LCORL: variants seen among roughly 807,000 people sequenced by gnomAD.
The protein encoded by LCORL is ligand-dependent nuclear receptor corepressor-like protein.
LCORL carries 41 observed loss-of-function variants against 141.8 expected under a neutral mutation model. The ratio of observed to expected loss-of-function variants is 0.29; its 90% CI spans 0.23 to 0.38. The LOEUF is 0.38. Ranked by LOEUF, LCORL falls within the 10% of genes least tolerant of loss-of-function variation. The probability of loss-of-function intolerance (pLI) is 1.00; values close to 1 mark genes in which losing one functional copy is unlikely to be tolerated. For missense variants in LCORL, 1,759 were observed against 2,035.0 expected, an observed-to-expected ratio of 0.86 and a Z score of 2.61; for synonymous variants, 618 against 694.1, an observed-to-expected ratio of 0.89 and a Z score of 1.72.
chr4:17,997,904 T>C (rs1246248324), intron 1 of LCORL, among the ~76,000 whole-genome samples: 1 of 152,144 alleles, frequency 6.6e-6, no homozygotes, highest in Non-Finnish European at 1.5e-5. Context: ...GAAGAAATAA[T>C]ATTCAAGTAT....
chr4:17,987,558 A>G (rs192681929), intron 1 of LCORL, among the ~76,000 whole-genome samples: 1 of 152,322 alleles, frequency 6.6e-6, no homozygotes, highest in Admixed American at 6.5e-5. Flanking sequence ...AGGTAAGACT[A>G]TAGGAATATA....
chr4:17,941,595 C>G, intron 4 of LCORL, among the ~76,000 whole-genome samples: 1 of 152,154 alleles, frequency 6.6e-6, no homozygotes. Flanking sequence ...TATATTCCAC[C>G]ATGCAAGACA....
intron 4 of LCORL, among the ~76,000 whole-genome samples, chr4:17,942,457 C>T (rs370703943): frequency 1.3e-5 from 2 of 152,190 alleles, no homozygotes; most frequent in South Asian, 2.1e-4. Context: ...CCAAATGTTG[C>T]TTTTTAATCA....
intron 1 of LCORL, among the ~76,000 whole-genome samples, chr4:18,020,072 G>C (rs1310325109): frequency 1.3e-5 from 2 of 152,096 alleles, no homozygotes; most frequent in African/African-American, 4.8e-5. Flanking sequence ...CAAAACAAAA[G>C]CAGTAAATTA....
rs1560497953 is a variant in LCORL at position 18,021,722 on chromosome 4, A to AGCAGCGGCG, written c.29_30insCGCCGCTGC (p.Ala20_Ala22dup). The AGCAGCGGCG allele has an allele frequency of 3.9e-6, 6 of 1,520,990 alleles. No homozygotes were observed. In the East Asian group the frequency reaches 1.0e-4, roughly 25 times the overall value. 94.2% of individuals were successfully genotyped at this position (1,520,990 alleles called of 1,614,324 possible). A position where few individuals can be genotyped will look rare whatever the true frequency, so the allele number is the denominator to read the frequency against. On this transcript the variant is annotated inframe_insertion, in exon 1 of 8. Transcript: ENST00000635767. The surrounding 1 kb of genome is among the most constrained non-coding windows in gnomAD (Gnocchi z 5.5). ...CGGCGGCGGCAGCAGCGGCGGCGGCAGCGGCCATTCTCTCTCTTCCCTTGT... is the reference window on the plus strand; with the variant it reads ...CGGCGGCGGCAGCAGCGGCGGCGGCAGCAGCGGCGGCGGCCATTCTCTCTCTTCCCTTGT...
chr4:17,890,312 G>A (rs1728892949), intron 5 of LCORL, among the ~76,000 whole-genome samples: 1 of 152,024 alleles, frequency 6.6e-6, no homozygotes, highest in Admixed American at 6.6e-5. Context: ...AAAAGACAGT[G>A]TATTTATTAT....
At chr4:17,943,125 C>A (rs929120341) in intron 4 of LCORL, among the ~76,000 whole-genome samples, 5 of 152,158 alleles carry the variant, frequency 3.3e-5, no homozygotes, top group African/African-American at 4.8e-5. Context: ...TCCGGCGGCT[C>A]ATTTTGTCTT....
chr4:17,974,418 T>C (rs192851289), intron 1 of LCORL, among the ~76,000 whole-genome samples: 265 of 152,294 alleles, frequency 1.7e-3, no homozygotes, highest in African/African-American at 6.0e-3. Context: ...TTTATTGAGG[T>C]ATAATTTTCA....
intron 4 of LCORL, among the ~76,000 whole-genome samples, chr4:17,950,031 A>G (rs1023147222): frequency 6.6e-6 from 1 of 152,146 alleles, no homozygotes; most frequent in Non-Finnish European, 1.5e-5. Context: ...TTTTTTTTAG[A>G]CAAGAACAGC....
Position 18,000,990 on chromosome 4 carries a change from C to T in LCORL, c.154+20608G>A, listed in dbSNP as rs1262619277. ...AAGAAAACAAATATGCAAAAGCCCA[C>T]AGGCATAGTGTTTGAGAATCCAAAA... On this transcript the variant is annotated intron_variant, in intron 1 of 7. Coordinates refer to ENST00000635767, the Ensembl canonical transcript of LCORL. 2.6e-5 allele frequency among the ~76,000 whole-genome samples: 4 copies of T among 152,210 alleles called. No homozygotes were observed. In the East Asian group the frequency reaches 7.7e-4, roughly 29 times the overall value.
Position 17,876,710 on chromosome 4 carries a change from A to AAGAGTTTGAGTATTACC in LCORL, c.2263_2279dup (p.Leu761ValfsTer7). On this transcript the variant is annotated frameshift_variant, in exon 7 of 8. Transcript: ENST00000635767. LOFTEE classifies it high-confidence loss of function. The stretch of plus-strand genomic sequence containing the variant: ...AAAGTCCAGAAACATCATTTCTCAA[A>AAGAGTTTGAGTATTACC]AGAGTTTGAGTATTACCTAACTTTG... The AAGAGTTTGAGTATTACC allele has an allele frequency of 8.1e-7, 1 of 1,230,824 alleles. No homozygotes were observed. The highest frequency in any genetic ancestry group is 3.2e-5 in the East Asian group (1 of 31,614). 76.2% of individuals were successfully genotyped at this position (1,230,824 alleles called of 1,614,324 possible).
At chr4:17,920,019 C>G (rs1307960784) in intron 4 of LCORL, among the ~76,000 whole-genome samples, 1 of 152,236 alleles carries the variant, frequency 6.6e-6, no homozygotes, top group Non-Finnish European at 1.5e-5. Context: ...ATTCCCCATG[C>G]CTTGCCCTGT....
At chr4:17,898,154 T>C (rs1284891624) in intron 5 of LCORL, among the ~76,000 whole-genome samples, 4 of 152,178 alleles carry the variant, frequency 2.6e-5, no homozygotes, top group Admixed American at 2.6e-4. Flanking sequence ...ACATTATTAC[T>C]AGTATTACTA....
chr4:17,969,032 C>T (rs6853216), intron 2 of LCORL, among the ~76,000 whole-genome samples: 38,646 of 152,108 alleles, frequency 0.25, 6,599 homozygotes, highest in African/African-American at 0.48. Context: ...TAAATATACA[C>T]AGTCAGGTAT....
chr4:17,944,583 T>TTGAGC (rs1382836168), intron 4 of LCORL, among the ~76,000 whole-genome samples: 15 of 152,266 alleles, frequency 9.9e-5, no homozygotes, highest in Non-Finnish European at 1.9e-4. Flanking sequence ...AGCACTTCCT[T>TTGAGC]ACTTTCTGGC....
At chr4:17,877,902 A>G in exon 7 of LCORL, 1 of 1,230,676 alleles carries the variant, frequency 8.1e-7, no homozygotes, top group Non-Finnish European at 1.0e-6. Flanking sequence ...TTTAATACAG[A>G]CTGGCAGAGG....
chr4:17,882,864 T>C, intron 6 of LCORL: 1 of 981,256 alleles, frequency 1.0e-6, no homozygotes, highest in Non-Finnish European at 1.2e-6. Flanking sequence ...AAACATGCTC[T>C]AAGTTGCATT....
chr4:17,917,707 T>C (rs1000917902), intron 4 of LCORL, among the ~76,000 whole-genome samples: 3 of 152,216 alleles, frequency 2.0e-5, no homozygotes, highest in Non-Finnish European at 2.9e-5. Context: ...TGACACTTAA[T>C]GTTGTGGGTC....
intron 1 of LCORL, among the ~76,000 whole-genome samples, chr4:18,010,412 G>A (rs71603396): frequency 0.2 from 30,468 of 151,512 alleles, 3,831 homozygotes; most frequent in African/African-American, 0.35. Flanking sequence ...GTGTGTGTGT[G>A]TATATATATA....
Sources: allele counts gnomAD v4.1 joint callset (sites outside exome capture counted in the v4.1 genomes callset), GRCh38; gene constraint gnomAD v4.1.1; non-coding constraint Gnocchi (gnomAD v3.1); transcripts MANE v1.5; gene names NCBI Gene and HGNC (gene_info 2026-07-23, HGNC 2026-07-21).